ZNF25: variants seen among roughly 807,000 people sequenced by gnomAD.
ZNF25 encodes zinc finger protein 25, also known as zinc finger protein 25 (KOX 19).
Under a neutral mutation model 30.9 loss-of-function variants are expected in ZNF25, and 21 were observed. The observed-to-expected ratio is 0.68, with a 90% CI of 0.48 to 0.98. The LOEUF (loss-of-function observed/expected upper bound fraction) is 0.98. Ranked by LOEUF, ZNF25 falls within the 50% of genes least tolerant of loss-of-function variation. The probability of loss-of-function intolerance (pLI) is 0.00; values close to 1 mark genes in which losing one functional copy is unlikely to be tolerated. For missense variants in ZNF25, 501 were observed against 529.9 expected, an observed-to-expected ratio of 0.95 and a Z score of 0.54; for synonymous variants, 169 against 181.3, an observed-to-expected ratio of 0.93 and a Z score of 0.55.
chr10:37,964,940 AG>A (rs1172922583), intron 2 of ZNF25, among the ~76,000 whole-genome samples: 2 of 152,214 alleles, frequency 1.3e-5, no homozygotes, highest in Non-Finnish European at 2.9e-5. Flanking sequence ...TTCAGGGGCC[AG>A]GCCTAAGGCA....
At chr10:37,962,314 G>A (rs1323436649) in intron 2 of ZNF25, among the ~76,000 whole-genome samples, 1 of 151,526 alleles carries the variant, frequency 6.6e-6, no homozygotes, top group East Asian at 1.9e-4. Context: ...CAGGAAACTA[G>A]AAAATTTAAA....
At chr10:37,954,870 T>C (rs867766207) in intron 4 of ZNF25, among the ~76,000 whole-genome samples, 2 of 152,236 alleles carry the variant, frequency 1.3e-5, no homozygotes, top group South Asian at 4.1e-4. Flanking sequence ...ATCATATGTA[T>C]AAGCCAGGAA....
intron 1 of ZNF25, among the ~76,000 whole-genome samples, chr10:37,974,734 C>T (rs915616107): frequency 6.6e-6 from 1 of 152,098 alleles, no homozygotes; most frequent in Non-Finnish European, 1.5e-5. Context: ...ACAGAATTAC[C>T]ATATGATCTA....
At chr10:37,974,268 G>C (rs2063669487) in intron 1 of ZNF25, among the ~76,000 whole-genome samples, 1 of 152,116 alleles carries the variant, frequency 6.6e-6, no homozygotes, top group Non-Finnish European at 1.5e-5. Flanking sequence ...GGCAAAAATA[G>C]ATGAATGGGA....
rs765463116 is a variant in ZNF25, at chr10:37,952,120, ACT to A, written c.*5_*6del. The A allele has an allele frequency of 6.5e-7, 1 of 1,542,502 alleles. No individual in the cohort carries two copies. The highest frequency in any genetic ancestry group is 1.3e-5 in the South Asian group (1 of 79,058). The stretch of plus-strand genomic sequence containing the variant: ...TTAATTCAGTCAAGAGAATTTCCCA[ACT>A]CATCTTACTTCTCAGCATTCCTCTT... On this transcript the variant is annotated 3_prime_UTR_variant, in exon 6 of 6. Transcript: ENST00000302609.
In ZNF25 at chr10:37,962,372, C is replaced by T. The variant is rs892193673; in HGVS notation, c.16-4826G>A. On this transcript the variant is annotated intron_variant, in intron 2 of 5. Coordinates refer to ENST00000302609, the MANE Select transcript of ZNF25 (RefSeq NM_145011.4). ...GAGAAGGAAAAGACTATTTTGTATACTAAACTGTCCTTCAAAGATACTTCT... is the reference window on the plus strand; with the variant it reads ...GAGAAGGAAAAGACTATTTTGTATATTAAACTGTCCTTCAAAGATACTTCT... Among the ~76,000 whole-genome samples the T allele has an allele frequency of 2.0e-5, 3 of 152,108 alleles. No individual in the cohort carries two copies. The East Asian group carries it at 5.8e-4, about 29-fold the overall frequency.
intron 1 of ZNF25, among the ~76,000 whole-genome samples, chr10:37,975,076 C>A (rs72791790): frequency 6.6e-6 from 1 of 151,908 alleles, no homozygotes; most frequent in South Asian, 2.1e-4. Context: ...CATGAAGATA[C>A]GATGTAGAAT....
chr10:37,953,482 A>G, intron 5 of ZNF25: 1 of 614,182 alleles, frequency 1.6e-6, no homozygotes, highest in Non-Finnish European at 2.8e-6. Context: ...AATTCAGAAG[A>G]GTAAAAAGAC....
intron 2 of ZNF25, among the ~76,000 whole-genome samples, chr10:37,964,972 G>C (rs752048334): frequency 2.0e-5 from 3 of 152,208 alleles, no homozygotes. Context: ...GTGCAGCCTT[G>C]TGACACTGTT....
In ZNF25 at chr10:37,962,327, G is replaced by A. The variant is rs117638330; in HGVS notation, c.16-4781C>T. 5.3e-3 allele frequency among the ~76,000 whole-genome samples: 800 copies of A among 151,774 alleles called. 1 individual carries two copies. Among genetic ancestry groups the A allele is most frequent in the Non-Finnish European group, 8.3e-3 (567 of 67,958 alleles). On this transcript the variant is annotated intron_variant, in intron 2 of 5. Transcript: ENST00000302609. ...AACAGGAAACTAGAAAATTTAAAAC[G>A]GACTGCTTACAGAAGAAGTGAGAAG...
chr10:37,960,794 G>C (rs1282026734), intron 2 of ZNF25, among the ~76,000 whole-genome samples: 1 of 152,052 alleles, frequency 6.6e-6, no homozygotes, highest in Admixed American at 6.6e-5. Context: ...ATAAGGGACA[G>C]CTGTAGTTCA....
In ZNF25 at chr10:37,952,742, G is replaced by A. The variant is rs1448671182; in HGVS notation, c.756C>T (p.His252=). The A allele has an allele frequency of 6.2e-7, 1 of 1,614,014 alleles. No homozygotes were observed. The highest frequency in any genetic ancestry group is 8.5e-7 in the Non-Finnish European group (1 of 1,179,990). ...KAYLMVHQKT[H]TGEKPYECKE... ...TACACTCATAGGGTTTCTCCCCTGT[G>A]TGTGTTTTCTGATGTACCATGAGGT... The change falls in exon 6 of 6, where the codon CAC becomes CAT. Residue 252 remains histidine (H), a synonymous_variant. Coordinates refer to ENST00000302609, the MANE Select transcript of ZNF25 (RefSeq NM_145011.4).
At chr10:37,974,069 T>G (rs1210099952) in intron 1 of ZNF25, among the ~76,000 whole-genome samples, 2 of 152,106 alleles carry the variant, frequency 1.3e-5, no homozygotes, top group African/African-American at 2.4e-5. Context: ...AAACTGGATA[T>G]CCATACGCAG....
intron 1 of ZNF25, among the ~76,000 whole-genome samples, chr10:37,974,943 G>C (rs1358596974): frequency 1.3e-5 from 2 of 152,098 alleles, no homozygotes; most frequent in Non-Finnish European, 2.9e-5. Flanking sequence ...TAAAAAGAAG[G>C]AAATTTTGTC....
chr10:37,963,312 G>A (rs990563144), intron 2 of ZNF25, among the ~76,000 whole-genome samples: 5 of 151,926 alleles, frequency 3.3e-5, no homozygotes, highest in Non-Finnish European at 5.9e-5. Flanking sequence ...TAGTAGAGAT[G>A]GGATTTCACA....
chr10:37,976,173 TACAG>T (rs1473959567), intron 1 of ZNF25, among the ~76,000 whole-genome samples: 1 of 152,196 alleles, frequency 6.6e-6, no homozygotes, highest in African/African-American at 2.4e-5. Context: ...TGGGACCACC[TACAG>T]ACGCTGGACC....
Position 37,953,173 on chromosome 10 carries a change from G to T in ZNF25, c.325C>A (p.Gln109Lys), listed in dbSNP as rs2062282164. 2 of 1,587,950 alleles carry T rather than the reference G, an allele frequency of 1.3e-6. No homozygotes were observed. The highest frequency in any genetic ancestry group is 1.2e-5 in the South Asian group (1 of 86,468). Residue 109 changes from glutamine to lysine, a missense_variant, in exon 6 of 6, where the codon CAG becomes AAG. Coordinates refer to ENST00000302609, the MANE Select transcript of ZNF25 (RefSeq NM_145011.4). ...GCTTTCTCTGTGGTATGAGTTTTCT[G>T]ATGTTTTGTGAGTTCTCCATTCCTA... ...NSRNGELTKH[Q>K]KTHTTEKACE... is the part of the protein sequence containing the mutation.
chr10:37,975,147 T>C (rs1257920460), intron 1 of ZNF25, among the ~76,000 whole-genome samples: 3 of 152,160 alleles, frequency 2.0e-5, no homozygotes, highest in African/African-American at 7.2e-5. Context: ...GGTTGGTTAA[T>C]GGGTACAAAA....
chr10:37,964,612 C>G (rs1344261311), intron 2 of ZNF25, among the ~76,000 whole-genome samples: 1 of 152,148 alleles, frequency 6.6e-6, no homozygotes, highest in African/African-American at 2.4e-5. Flanking sequence ...TTCTAAGCAG[C>G]AAAGCATTCA....
Sources: allele counts gnomAD v4.1 joint callset (sites outside exome capture counted in the v4.1 genomes callset), GRCh38; gene constraint gnomAD v4.1.1; transcripts MANE v1.5; gene names NCBI Gene and HGNC (gene_info 2026-07-23, HGNC 2026-07-21).